The following CFAP20DC variants were observed in gnomAD, a reference collection of about 807,000 sequenced individuals.
CFAP20DC encodes CFAP20 domain containing.
A neutral mutation model predicts 101.7 loss-of-function variants in CFAP20DC; 84 were observed. That is an observed-to-expected ratio of 0.83 (90% confidence interval 0.69 to 0.99). The LOEUF (loss-of-function observed/expected upper bound fraction) is 0.99. Among genes scored for constraint, CFAP20DC ranks in the 50% least tolerant of loss-of-function variants. The probability of loss-of-function intolerance (pLI) is 0.00; values close to 1 mark genes in which losing one functional copy is unlikely to be tolerated. For synonymous variants in CFAP20DC, 359 were observed against 351.2 expected, an observed-to-expected ratio of 1.02 and a Z score of -0.25; for missense variants, 1,007 against 970.3, an observed-to-expected ratio of 1.04 and a Z score of -0.50.
intron 4 of CFAP20DC, among the ~76,000 whole-genome samples, chr3:58,967,208 G>A (rs1429264127): frequency 6.6e-6 from 1 of 152,122 alleles, no homozygotes; most frequent in East Asian, 1.9e-4. Context: ...ACTACATTCA[G>A]AAATAAAACT....
At chr3:59,000,651 T>G (rs1475556268) in intron 4 of CFAP20DC, among the ~76,000 whole-genome samples, 1 of 151,728 alleles carries the variant, frequency 6.6e-6, no homozygotes, top group Non-Finnish European at 1.5e-5. Context: ...TCGGGAAGAT[T>G]TGAGAGGTTG....
rs369751971 is a variant in CFAP20DC at position 58,780,548 on chromosome 3, CATCTT to C, written c.2237+25842_2237+25846del. 2.3e-3 allele frequency among the ~76,000 whole-genome samples: 345 copies of C among 151,520 alleles called. 2 individuals carry two copies. The highest frequency in any genetic ancestry group is 8.2e-3 in the African/African-American group (338 of 41,420). On this transcript the variant is annotated intron_variant, in intron 15 of 16. Transcript: ENST00000482387. ...AAGTATATGCTGCCTACAAGAATCT[CATCTT>C]ATCTGTAAAGAAACATATAGACTGA... is the stretch of plus-strand genomic sequence containing the variant.
chr3:58,992,174 A>T (rs754489724), intron 4 of CFAP20DC, among the ~76,000 whole-genome samples: 2 of 152,190 alleles, frequency 1.3e-5, no homozygotes, highest in Non-Finnish European at 2.9e-5. Context: ...ATTCAAACCC[A>T]AGCAGTCTGA....
chr3:59,037,773 C>G (rs529970772), intron 4 of CFAP20DC, among the ~76,000 whole-genome samples: 1 of 152,216 alleles, frequency 6.6e-6, no homozygotes, highest in East Asian at 1.9e-4. Flanking sequence ...ATCCCATTAC[C>G]TGGTATATAC....
intron 14 of CFAP20DC, 140 bp from the exon 15 acceptor site, chr3:58,806,596 G>C: frequency 4.4e-6 from 3 of 681,054 alleles, no homozygotes. Flanking sequence ...AGCCAAGACG[G>C]CCGAATAGGA....
rs1429047034 is a variant in CFAP20DC at position 58,863,706 on chromosome 3, G to C, written c.1445C>G (p.Ser482Ter). 6.2e-7 allele frequency: 1 copy of C among 1,614,154 alleles called. No individual in the cohort carries two copies. The highest frequency in any genetic ancestry group is 1.7e-5 in the Admixed American group (1 of 60,024). Residue 482 changes from serine (S) to a stop codon, truncating the protein, a stop_gained, in exon 12 of 17, where the codon TCA (serine) becomes TGA (stop). Transcript: ENST00000482387. LOFTEE classifies it high-confidence loss of function. This position sits in a 1 kb window ranked among gnomAD's most constrained non-coding sequence, Gnocchi z 5.9. Reference sequence around the variant, plus strand: ...TCCATGAGGTGCTGATCGTGGTCTTGATGAAAAAGTGAAAATGTCCTTTGG... The same window carrying C: ...TCCATGAGGTGCTGATCGTGGTCTTCATGAAAAAGTGAAAATGTCCTTTGG... ...SVPKDIFTFS[S>*]RPRSAPHGKT...
intron 14 of CFAP20DC, among the ~76,000 whole-genome samples, chr3:58,807,957 G>T (rs953468215): frequency 3.3e-5 from 5 of 152,130 alleles, no homozygotes; most frequent in African/African-American, 1.2e-4. Context: ...TGGAAGAAAG[G>T]GTATCAGTGA....
chr3:58,885,237 T>C (rs1210377111), intron 6 of CFAP20DC, among the ~76,000 whole-genome samples: 1 of 152,116 alleles, frequency 6.6e-6, no homozygotes, highest in African/African-American at 2.4e-5. Context: ...CTTCCTCTGT[T>C]AACATCTTAC....
At chr3:58,891,883 C>G (rs2082287341) in intron 6 of CFAP20DC, among the ~76,000 whole-genome samples, 1 of 152,216 alleles carries the variant, frequency 6.6e-6, no homozygotes, top group South Asian at 2.1e-4. Context: ...AATCTTTGCA[C>G]ATGCCTGTGT....
chr3:58,951,993 C>T (rs556944915), intron 4 of CFAP20DC, among the ~76,000 whole-genome samples: 1 of 152,276 alleles, frequency 6.6e-6, no homozygotes, highest in African/African-American at 2.4e-5. Context: ...TCCACAAAAA[C>T]GTCTGAGTGC....
At chr3:58,987,596 A>G (rs1223030444) in intron 4 of CFAP20DC, among the ~76,000 whole-genome samples, 2 of 152,044 alleles carry the variant, frequency 1.3e-5, no homozygotes, top group African/African-American at 2.4e-5. Context: ...AAAATATACA[A>G]TATTAGAAAT....
intron 13 of CFAP20DC, 90 bp from the exon 14 acceptor site, chr3:58,831,979 T>A (rs1445673813): frequency 9.1e-7 from 1 of 1,101,486 alleles, no homozygotes. Flanking sequence ...CTACAGCAGC[T>A]CCCCCAACTG....
chr3:58,801,676 G>A (rs1044281715), intron 15 of CFAP20DC, among the ~76,000 whole-genome samples: 1 of 152,000 alleles, frequency 6.6e-6, no homozygotes, highest in South Asian at 2.1e-4. Flanking sequence ...GAGCCACACG[G>A]GTTACAACGA....
intron 6 of CFAP20DC, among the ~76,000 whole-genome samples, chr3:58,890,302 C>CG (rs1559774595): frequency 2.1e-5 from 3 of 139,678 alleles, no homozygotes; most frequent in African/African-American, 8.0e-5. Flanking sequence ...GCTGTCCGGG[C>CG]GGGGGGCTGA....
At chr3:59,033,459 G>A (rs34859335) in intron 4 of CFAP20DC, among the ~76,000 whole-genome samples, 6,307 of 152,256 alleles carry the variant, frequency 0.041, 176 homozygotes, top group Middle Eastern at 0.11. Flanking sequence ...TTGAAAAAAG[G>A]TTGGAGGAAT....
intron 5 of CFAP20DC, among the ~76,000 whole-genome samples, chr3:58,924,355 T>C (rs1186443730): frequency 1.3e-5 from 2 of 152,162 alleles, no homozygotes; most frequent in African/African-American, 2.4e-5. Flanking sequence ...TGAGTTATTT[T>C]GTTTAGGATA....
intron 4 of CFAP20DC, among the ~76,000 whole-genome samples, chr3:58,979,955 T>C (rs2092454278): frequency 6.6e-6 from 1 of 152,164 alleles, no homozygotes; most frequent in African/African-American, 2.4e-5. Flanking sequence ...AGTGACTGTC[T>C]GGAGTGCTCT....
chr3:58,973,495 C>G (rs1268875462), intron 4 of CFAP20DC, among the ~76,000 whole-genome samples: 3 of 152,162 alleles, frequency 2.0e-5, no homozygotes, highest in Non-Finnish European at 4.4e-5. Flanking sequence ...TCAATACCCT[C>G]AAGAGCATCC....
chr3:58,961,594 C>A (rs2091141418), intron 4 of CFAP20DC, among the ~76,000 whole-genome samples: 1 of 152,000 alleles, frequency 6.6e-6, no homozygotes, highest in Admixed American at 6.6e-5. Context: ...CTGTCCTTTT[C>A]TATTTTCTGA....
Sources: gnomAD v4.1 joint callset for allele counts (sites outside exome capture counted in the v4.1 genomes callset) on GRCh38, gnomAD v4.1.1 for gene constraint, Gnocchi (gnomAD v3.1) non-coding constraint, MANE v1.5 for transcripts, NCBI Gene and HGNC (gene_info 2026-07-23, HGNC 2026-07-21) for gene names.